ANK2: variants seen among roughly 807,000 people sequenced by gnomAD.
ANK2 encodes the protein ankyrin-2.
Under a neutral mutation model 360.5 loss-of-function variants are expected in ANK2, and 83 were observed. The ratio of observed to expected loss-of-function variants is 0.23; its 90% confidence interval spans 0.19 to 0.28. The LOEUF (loss-of-function observed/expected upper bound fraction) is 0.28. ANK2 is among the 10% of genes least tolerant of loss of function. The pLI is 1.00. For missense variants in ANK2, 4,201 were observed against 4,795.7 expected, an observed-to-expected ratio of 0.88 and a Z score of 3.66; for synonymous variants, 1,740 against 1,759.5, an observed-to-expected ratio of 0.99 and a Z score of 0.28.
intron 2 of ANK2, among the ~76,000 whole-genome samples, chr4:112,959,948 T>C (rs2033838358): frequency 6.6e-6 from 1 of 152,132 alleles, no homozygotes; most frequent in Non-Finnish European, 1.5e-5. Context: ...TTAGCCTAAT[T>C]GAATGTTAAG....
chr4:113,014,371 A>T (rs1056082654), intron 2 of ANK2, among the ~76,000 whole-genome samples: 1 of 152,190 alleles, frequency 6.6e-6, no homozygotes, highest in African/African-American at 2.4e-5. Flanking sequence ...AGGTTCTATG[A>T]CTTGCGATAA....
intron 2 of ANK2, among the ~76,000 whole-genome samples, chr4:112,943,569 T>A (rs2094373576): frequency 3.3e-5 from 5 of 151,996 alleles, no homozygotes; most frequent in Admixed American, 3.3e-4. Flanking sequence ...TAAACTCAAT[T>A]TCTGTATGGT....
intron 4 of ANK2, chr4:113,214,490 T>C: frequency 1.6e-6 from 1 of 631,742 alleles, no homozygotes; most frequent in East Asian, 2.9e-5. Context: ...ACAAATCAAT[T>C]AATAAAATAT....
At chr4:112,826,281 A>G (rs1448721987) in intron 1 of ANK2, 2 of 551,272 alleles carry the variant, frequency 3.6e-6, no homozygotes, top group Non-Finnish European at 6.1e-6. Flanking sequence ...TTGACTATAA[A>G]TTTCTATAGA....
At chr4:112,752,023 A>G in the ANK2 span, among the ~76,000 whole-genome samples, 1 of 152,202 alleles carries the variant, frequency 6.6e-6, no homozygotes, top group African/African-American at 2.4e-5. Flanking sequence ...AGGACTTATT[A>G]ACCAAGGGTA....
chr4:112,711,998 A>G, the ANK2 span, among the ~76,000 whole-genome samples: 1 of 150,110 alleles, frequency 6.7e-6, no homozygotes, highest in Non-Finnish European at 1.5e-5. Context: ...TTCTATTATT[A>G]ATTGCATTCT....
the ANK2 span, among the ~76,000 whole-genome samples, chr4:112,777,882 T>G: frequency 6.6e-6 from 1 of 151,762 alleles, no homozygotes; most frequent in Non-Finnish European, 1.5e-5. Context: ...CCTCCCAAAG[T>G]GCTGGGATTA....
intron 2 of ANK2, among the ~76,000 whole-genome samples, chr4:112,983,900 A>G (rs2043980971): frequency 6.6e-6 from 1 of 152,166 alleles, no homozygotes; most frequent in Admixed American, 6.5e-5. Context: ...CTTTGGGGTC[A>G]TTATTCAGCA....
chr4:113,200,479 C>T (rs1369233967), intron 4 of ANK2, among the ~76,000 whole-genome samples: 1 of 152,120 alleles, frequency 6.6e-6, no homozygotes, highest in Non-Finnish European at 1.5e-5. Context: ...GTCCCTTCTC[C>T]CCCTCCCCAC....
At chr4:112,768,900 G>C in the ANK2 span, among the ~76,000 whole-genome samples, 2 of 152,116 alleles carry the variant, frequency 1.3e-5, no homozygotes, top group African/African-American at 4.8e-5. Flanking sequence ...TATATCAAAA[G>C]AGAACCATTT....
chr4:112,914,315 C>T (rs144225074), intron 2 of ANK2, among the ~76,000 whole-genome samples: 1 of 152,282 alleles, frequency 6.6e-6, no homozygotes, highest in Admixed American at 6.5e-5. Context: ...GTGTGCATAT[C>T]GTATCTAAAG....
chr4:113,024,879 A>T (rs535597016), intron 2 of ANK2, among the ~76,000 whole-genome samples: 16 of 152,184 alleles, frequency 1.1e-4, no homozygotes, highest in African/African-American at 3.4e-4. Context: ...CCCATAAAAA[A>T]TTTTCTTTTA....
the ANK2 span, among the ~76,000 whole-genome samples, chr4:112,730,858 A>T: frequency 6.6e-6 from 1 of 150,500 alleles, no homozygotes; most frequent in South Asian, 2.1e-4. Context: ...AAAAAAAAAA[A>T]GAGCAGGCGC....
At chr4:112,860,511 T>C (rs17045073) in intron 1 of ANK2, among the ~76,000 whole-genome samples, 8,449 of 152,266 alleles carry the variant, frequency 0.055, 390 homozygotes, top group African/African-American at 0.12. Flanking sequence ...GATTGTTTAG[T>C]GCAACCCACC....
chr4:113,254,067 C>T (rs1380043112), intron 10 of ANK2, among the ~76,000 whole-genome samples: 2 of 152,170 alleles, frequency 1.3e-5, no homozygotes, highest in Admixed American at 1.3e-4. Flanking sequence ...CCCAAGTCAA[C>T]AAGACTAGCT....
At chr4:112,827,078 CA>C in intron 1 of ANK2, 2 of 1,162,378 alleles carry the variant, frequency 1.7e-6, no homozygotes, top group Admixed American at 1.7e-5. Context: ...ATCACCCATG[CA>C]ACACAGGAAA....
chr4:113,265,937 G>A (rs1374337530), intron 14 of ANK2, among the ~76,000 whole-genome samples: 2 of 152,074 alleles, frequency 1.3e-5, no homozygotes, highest in Non-Finnish European at 2.9e-5. Context: ...TTTCAGGCAG[G>A]TCACTTCACT....
chr4:113,018,733 G>C (rs1450564559), intron 2 of ANK2, among the ~76,000 whole-genome samples: 1 of 152,224 alleles, frequency 6.6e-6, no homozygotes, highest in East Asian at 1.9e-4. Context: ...TCAGCCAAGG[G>C]ATGTAACAAC....
chr4:113,144,643 T>G (rs17579857), intron 1 of ANK2, among the ~76,000 whole-genome samples: 1 of 150,570 alleles, frequency 6.6e-6, no homozygotes, highest in African/African-American at 2.4e-5. Flanking sequence ...CTGCATTGAG[T>G]AGTTTAAAAT....
Sources: allele counts gnomAD v4.1 joint callset (sites outside exome capture counted in the v4.1 genomes callset), GRCh38; gene constraint gnomAD v4.1.1; transcripts MANE v1.5; gene names NCBI Gene and HGNC (gene_info 2026-07-23, HGNC 2026-07-21).